Variants in HMGXB4 observed in about 807,000 individuals in gnomAD.
HMGXB4 encodes the protein HMG-box containing 4.
In HMGXB4, 27 loss-of-function variants were observed where a neutral mutation model predicts 63.9. The observed-to-expected ratio is 0.42, with a 90% CI of 0.31 to 0.58. The LOEUF is 0.58. Among genes scored for constraint, HMGXB4 ranks in the 20% least tolerant of loss-of-function variants. The pLI is 0.13. For missense variants in HMGXB4, 624 were observed against 700.7 expected (o/e 0.89, Z 1.24); for synonymous variants, 264 against 265.3 (o/e 0.99, Z 0.05).
rs2146388987 is a variant in HMGXB4, at chr22:35,257,521, G to C, written c.-105G>C. 6.5e-6 allele frequency: 1 copy of C among 153,014 alleles called. No individual in the cohort carries two copies. Among genetic ancestry groups the C allele is most frequent in the South Asian group, 2.1e-4 (1 of 4,834 alleles). The allele number at this position is 153,014 out of a possible 1,614,324, so 9.5% of individuals were successfully genotyped here. On this transcript the variant is annotated 5_prime_UTR_variant, in exon 1 of 11. Transcript: ENST00000216106. The stretch of plus-strand genomic sequence containing the variant: ...TCCTTCTCCAAGATGGCGGCGATCG[G>C]CGGCGTTGAGGCGGGATCCGGGCGA...
intron 5 of HMGXB4, among the ~76,000 whole-genome samples, chr22:35,267,143 T>A (rs1433863428): frequency 7.7e-5 from 2 of 25,894 alleles, no homozygotes; most frequent in Non-Finnish European, 1.7e-4. Flanking sequence ...AGTATGTGTG[T>A]GTGTATATAT....
chr22:35,244,394 T>TA, the HMGXB4 span, among the ~76,000 whole-genome samples: 89 of 151,698 alleles, frequency 5.9e-4, no homozygotes, highest in African/African-American at 2.0e-3. Flanking sequence ...CCTCGTAAAA[T>TA]AGAGTTTTCT....
At chr22:35,261,722 G>A (rs1027133604) in intron 1 of HMGXB4, 4 of 152,328 alleles carry the variant, frequency 2.6e-5, no homozygotes, top group Admixed American at 1.3e-4. Flanking sequence ...ACTGATGTAA[G>A]GAGTGTACCT....
At chr22:35,283,721 C>T (rs1569004395) in intron 5 of HMGXB4, among the ~76,000 whole-genome samples, 2 of 152,104 alleles carry the variant, frequency 1.3e-5, no homozygotes, top group South Asian at 2.1e-4. Context: ...ACCCAGGAGG[C>T]GGAAGTTATA....
In HMGXB4 at chr22:35,265,221, A is replaced by G. The variant is rs1923138421; in HGVS notation, c.833A>G (p.His278Arg). The change falls in exon 5 of 11, where the codon CAC (histidine) becomes CGC (arginine). Residue 278 changes from histidine to arginine, a missense_variant. His to Arg is a conservative substitution (Grantham distance 29, BLOSUM62 0). This residue lies in a region of HMGXB4 where 472 missense variants were observed against 470.6 expected (regional missense o/e 1.00). Coordinates refer to ENST00000216106, the MANE Select transcript of HMGXB4 (RefSeq NM_001003681.3). ...GACGCCTCCCAGTTCGCAGAGTCCC[A>G]CAGTGCTAACCTTGATCTTTCAGGG... ...GSDASQFAESHSANLDLSGLE... is the reference protein window; with the variant it reads ...GSDASQFAESRSANLDLSGLE... The G allele has an allele frequency of 6.2e-7, 1 of 1,614,152 alleles. No individual in the cohort carries two copies. Among genetic ancestry groups the G allele is most frequent in the South Asian group, 1.1e-5 (1 of 91,082 alleles).
At chr22:35,262,961 A>C in intron 2 of HMGXB4, 117 bp from the exon 3 acceptor site, 1 of 981,578 alleles carries the variant, frequency 1.0e-6, no homozygotes, top group Non-Finnish European at 1.6e-6. Context: ...AGTGGACTTG[A>C]TTGAAACATT....
chr22:35,249,609 T>G, the HMGXB4 span, among the ~76,000 whole-genome samples: 3 of 90,970 alleles, frequency 3.3e-5, 1 homozygote, highest in Admixed American at 2.3e-4. Context: ...ATGTGTTTTC[T>G]TAACTAAAAC....
chr22:35,278,657 A>AT (rs11412290), intron 5 of HMGXB4, among the ~76,000 whole-genome samples: 75,187 of 148,802 alleles, frequency 0.51, 22,039 homozygotes, highest in Non-Finnish European at 0.65. Flanking sequence ...TTTTAATATT[A>AT]TTTTTTTTTA....
In HMGXB4 at chr22:35,293,084, T is replaced by C; in HGVS notation, c.1731T>C (p.Pro577=). 1.2e-6 allele frequency: 2 copies of C among 1,614,210 alleles called. No individual in the cohort carries two copies. Among genetic ancestry groups the C allele is most frequent in the Non-Finnish European group, 1.7e-6 (2 of 1,180,032 alleles). Residue 577 remains proline, a synonymous_variant, in exon 10 of 11, where the codon CCT becomes CCC. Transcript: ENST00000216106. ...TGGCATGTCTCACCACACAACTACC[T>C]GAATTGAATGGCTGTCCCAAACAGG... ...GPLACLTTQL[P]ELNGCPKQVL...
intron 5 of HMGXB4, among the ~76,000 whole-genome samples, chr22:35,283,192 G>C (rs1171576737): frequency 2.0e-5 from 3 of 152,192 alleles, no homozygotes; most frequent in African/African-American, 7.2e-5. Flanking sequence ...ATAAAAGCAG[G>C]ATGAGGGAAA....
chr22:35,262,579 C>T (rs1037214583), intron 2 of HMGXB4, among the ~76,000 whole-genome samples, 158 bp downstream of exon 2: 6 of 152,144 alleles, frequency 3.9e-5, no homozygotes, highest in Non-Finnish European at 5.9e-5. Context: ...CATCCCCAGA[C>T]TGGGCCCATG....
the HMGXB4 span, among the ~76,000 whole-genome samples, chr22:35,243,194 A>C: frequency 1.9e-3 from 295 of 152,164 alleles, 2 homozygotes; most frequent in African/African-American, 6.9e-3. Flanking sequence ...AACATGGTGA[A>C]ACCCTGTCTC....
Position 35,265,089 on chromosome 22 carries a change from C to T in HMGXB4, c.701C>T (p.Ala234Val), listed in dbSNP as rs1382589777. Residue 234 changes from alanine to valine, a missense_variant, in exon 5 of 11, where the codon GCT becomes GTT. By Grantham distance (64) the Ala-to-Val change is moderately conservative (BLOSUM62 0). Transcript: ENST00000216106. Reference sequence around the variant, plus strand: ...AAATCAGCTCGGGATGAGCAGGGTGCTTTACTCCTAGGACATGAGTTACAG... The same window carrying T: ...AAATCAGCTCGGGATGAGCAGGGTGTTTTACTCCTAGGACATGAGTTACAG... ...SKKSARDEQG[A>V]LLLGHELQSF... is the part of the protein sequence containing the mutation. 6.2e-7 allele frequency: 1 copy of T among 1,614,132 alleles called. No homozygotes were observed. Among genetic ancestry groups the T allele is most frequent in the Middle Eastern group, 1.6e-4 (1 of 6,062 alleles).
chr22:35,293,252 TATATTATCAAATGC>T lies in HMGXB4; in HGVS notation c.1761+141_1761+154del. On this transcript the variant is annotated intron_variant, in intron 10 of 10. Coordinates refer to ENST00000216106, the MANE Select transcript of HMGXB4 (RefSeq NM_001003681.3). ...TCTGTTGGCCCATGGAACATGATGCTATATTATCAAATGCATGCTGTACTTTCACTGAAACTAGA... is the reference window on the plus strand; with the variant it reads ...TCTGTTGGCCCATGGAACATGATGCTATGCTGTACTTTCACTGAAACTAGA... The T allele has an allele frequency of 3.1e-6, 3 of 972,970 alleles. No homozygotes were observed. The Admixed American group carries it at 6.4e-5, about 21-fold the overall frequency. The allele number at this position is 972,970 out of a possible 1,614,324, so 60.3% of individuals were successfully genotyped here.
upstream of HMGXB4, among the ~76,000 whole-genome samples, chr22:35,255,407 T>TG (rs1172840678): frequency 6.6e-6 from 1 of 152,010 alleles, no homozygotes; most frequent in Non-Finnish European, 1.5e-5. Context: ...CCCAGCTACT[T>TG]GGGGGGCTGA....
At chr22:35,263,312 T>C (rs2146400837) in intron 3 of HMGXB4, 86 bp downstream of exon 3, 1 of 1,138,770 alleles carries the variant, frequency 8.8e-7, no homozygotes, top group East Asian at 2.5e-5. Flanking sequence ...TTTTTTTTTT[T>C]TTCTCTCATG....
chr22:35,277,887 T>C (rs1480718269), intron 5 of HMGXB4, among the ~76,000 whole-genome samples: 2 of 152,134 alleles, frequency 1.3e-5, no homozygotes, highest in Admixed American at 6.5e-5. Context: ...ATAGTTTACA[T>C]TGGGGCTCCC....
the HMGXB4 span, among the ~76,000 whole-genome samples, chr22:35,252,061 A>G: frequency 6.6e-6 from 1 of 152,084 alleles, no homozygotes; most frequent in Non-Finnish European, 1.5e-5. Context: ...TTAAAAATAC[A>G]AAAATTAGCC....
intron 9 of HMGXB4, among the ~76,000 whole-genome samples, chr22:35,292,652 T>C (rs1166791194): frequency 2.0e-5 from 3 of 152,226 alleles, no homozygotes; most frequent in Non-Finnish European, 2.9e-5. Context: ...AGATATACTT[T>C]GCATACATAA....
Sources: gnomAD v4.1 joint callset for allele counts (sites outside exome capture counted in the v4.1 genomes callset) on GRCh38, gnomAD v4.1.1 for gene constraint, gnomAD v4.1.1 regional missense constraint, MANE v1.5 for transcripts, NCBI Gene and HGNC (gene_info 2026-07-23, HGNC 2026-07-21) for gene names.